The following DUS2 variants were observed in gnomAD, a reference collection of about 807,000 sequenced individuals.
DUS2 encodes the protein dihydrouridine synthase 2.
A neutral mutation model predicts 71.3 loss-of-function variants in DUS2; 52 were observed. The ratio of observed to expected loss-of-function variants is 0.73; its 90% CI spans 0.58 to 0.92. DUS2 has a LOEUF of 0.92. Among genes scored for constraint, DUS2 ranks in the 40% least tolerant of loss-of-function variants. The pLI is 0.00. For missense variants in DUS2, 558 were observed against 622.6 expected (o/e 0.90, Z 1.10); for synonymous variants, 204 against 227.8 (o/e 0.90, Z 0.94).
intron 7 of DUS2, among the ~76,000 whole-genome samples, chr16:68,056,953 CTA>C (rs1441378612): frequency 5.1e-5 from 7 of 136,148 alleles, no homozygotes; most frequent in Non-Finnish European, 6.2e-5. Flanking sequence ...TATATGTAAT[CTA>C]TAATTATATA....
At chr16:68,026,643 C>T (rs554933683) in intron 2 of DUS2, among the ~76,000 whole-genome samples, 2 of 152,114 alleles carry the variant, frequency 1.3e-5, no homozygotes, top group East Asian at 1.9e-4. Flanking sequence ...CTTTGAGAGG[C>T]CAAGGCGGGC....
At chr16:68,060,089 G>A (rs2033918628) in intron 7 of DUS2, among the ~76,000 whole-genome samples, 1 of 152,134 alleles carries the variant, frequency 6.6e-6, no homozygotes, top group Non-Finnish European at 1.5e-5. Flanking sequence ...TGGTGGTGTT[G>A]ATGCCTATGC....
At chr16:68,070,347 A>G in intron 11 of DUS2, 127 bp downstream of exon 11, 2 of 769,820 alleles carry the variant, frequency 2.6e-6, no homozygotes, top group Non-Finnish European at 4.3e-6. Flanking sequence ...GCTTTCCACA[A>G]GACCCCAGAC....
At chr16:68,037,113 GT>G (rs1567470596) in intron 2 of DUS2, among the ~76,000 whole-genome samples, 1 of 149,892 alleles carries the variant, frequency 6.7e-6, no homozygotes, top group Non-Finnish European at 1.5e-5. Context: ...TCCAGTGCAG[GT>G]ATCTGAGTAA....
chr16:68,070,023 C>A, intron 10 of DUS2, 111 bp from the exon 11 acceptor site: 2 of 942,284 alleles, frequency 2.1e-6, no homozygotes, highest in South Asian at 1.4e-5. Flanking sequence ...GGCCACCTGA[C>A]CTTCCTGAGG....
At chr16:68,025,967 T>G (rs2033343065) in intron 2 of DUS2, among the ~76,000 whole-genome samples, 1 of 152,208 alleles carries the variant, frequency 6.6e-6, no homozygotes, top group East Asian at 1.9e-4. Context: ...TCCCTGCCCT[T>G]GTGGAGTTTA....
intron 7 of DUS2, among the ~76,000 whole-genome samples, chr16:68,058,733 T>A (rs1480549091): frequency 6.6e-6 from 1 of 152,202 alleles, no homozygotes; most frequent in African/African-American, 2.4e-5. Flanking sequence ...GGAAGGAAAC[T>A]TAAGTTTTTA....
At chr16:68,053,911 G>A (rs566641704) in intron 5 of DUS2, 2 of 454,548 alleles carry the variant, frequency 4.4e-6, no homozygotes, top group Non-Finnish European at 7.9e-6. Context: ...TGTAGGAATT[G>A]TCTGTTTGGC....
intron 2 of DUS2, among the ~76,000 whole-genome samples, chr16:68,036,062 T>A (rs576855001): frequency 1.3e-5 from 2 of 151,342 alleles, no homozygotes; most frequent in East Asian, 3.9e-4. Flanking sequence ...AATGGCGCGA[T>A]CTTGGCTTAT....
intron 5 of DUS2, 153 bp downstream of exon 5, chr16:68,053,808 C>G (rs1004553517): frequency 5.7e-6 from 4 of 697,258 alleles, no homozygotes; most frequent in Non-Finnish European, 9.7e-6. Context: ...TCCAAAGAGC[C>G]AGTCATGAGT....
In DUS2 at chr16:68,043,175, G is replaced by C. The variant is rs111811481; in HGVS notation, c.126+5026G>C. ...TGTAATCCCAGAACTTTGAGAGGCC[G>C]ACTCAGGTGGATCACGAGGTCAGGA... On this transcript the variant is annotated intron_variant, in intron 3 of 16. Coordinates refer to ENST00000565263, the MANE Select transcript of DUS2 (RefSeq NM_017803.5). Among the ~76,000 whole-genome samples the C allele has an allele frequency of 6.1e-3, 923 of 152,122 alleles. 7 individuals carry two copies. Among genetic ancestry groups the C allele is most frequent in the African/African-American group, 0.021 (854 of 41,538 alleles).
At chr16:68,073,859 G>A (rs2034120103) in intron 12 of DUS2, among the ~76,000 whole-genome samples, 175 bp from the exon 13 acceptor site, 1 of 152,156 alleles carries the variant, frequency 6.6e-6, no homozygotes, top group African/African-American at 2.4e-5. Flanking sequence ...AGAGTGCTGG[G>A]ATTACAGATG....
chr16:68,053,479 C>T, intron 4 of DUS2, 85 bp from the exon 5 acceptor site: 1 of 1,276,834 alleles, frequency 7.8e-7, no homozygotes, highest in Non-Finnish European at 1.1e-6. Flanking sequence ...AGCTTATACT[C>T]TGGCTGTGTT....
intron 7 of DUS2, among the ~76,000 whole-genome samples, chr16:68,057,694 A>G (rs758461347): frequency 3.3e-5 from 5 of 152,074 alleles, no homozygotes; most frequent in Non-Finnish European, 5.9e-5. Flanking sequence ...AGCCTAACCA[A>G]CATGGTGAAA....
chr16:68,035,980 CAT>C (rs1228499911), intron 2 of DUS2, among the ~76,000 whole-genome samples: 17 of 129,280 alleles, frequency 1.3e-4, no homozygotes, highest in African/African-American at 4.1e-4. Flanking sequence ...TATATATATA[CAT>C]ATATATATTA....
Position 68,037,942 on chromosome 16 carries a change from C to G in DUS2, c.-18-64C>G, listed in dbSNP as rs992762460. 7.8e-6 allele frequency: 12 copies of G among 1,533,472 alleles called. 1 individual carries two copies. In the Admixed American group the frequency reaches 2.2e-4, roughly 28 times the overall value. The allele number at this position is 1,533,472 out of a possible 1,614,324, so 95.0% of individuals were successfully genotyped here. ...GAACCTTGAAGAAGGGAAGCCTGCT[C>G]TTGATAACAGGAGAGATTTTCTTCA... On this transcript the variant is annotated intron_variant, in intron 2 of 16. Transcript: ENST00000565263.
chr16:68,054,773 G>A (rs926358528), intron 6 of DUS2, among the ~76,000 whole-genome samples, 156 bp downstream of exon 6: 4 of 152,064 alleles, frequency 2.6e-5, no homozygotes, highest in Non-Finnish European at 5.9e-5. Context: ...AGCCAGGTGC[G>A]GTGGCTCATG....
At chr16:68,049,439 T>G in intron 3 of DUS2, 66 bp from the exon 4 acceptor site, 2 of 1,557,678 alleles carry the variant, frequency 1.3e-6, no homozygotes, top group South Asian at 1.1e-5. Context: ...AGGTGTGTGA[T>G]GAAAATCCTT....
At chr16:68,047,049 CTTTTTTT>C (rs1305624703) in intron 3 of DUS2, among the ~76,000 whole-genome samples, 2 of 72,168 alleles carry the variant, frequency 2.8e-5, no homozygotes, top group East Asian at 4.4e-4. Flanking sequence ...CATGCCCGGC[CTTTTTTT>C]TTTTTTTTTT....
Sources: allele counts gnomAD v4.1 joint callset (sites outside exome capture counted in the v4.1 genomes callset), GRCh38; gene constraint gnomAD v4.1.1; transcripts MANE v1.5; gene names NCBI Gene and HGNC (gene_info 2026-07-23, HGNC 2026-07-21).